Variants in GLRA3 observed in about 807,000 individuals in gnomAD.
GLRA3 encodes glycine receptor subunit alpha-3.
GLRA3 carries 44 observed loss-of-function variants against 60.4 expected under a neutral mutation model. The ratio of observed to expected loss-of-function variants is 0.73; its 90% CI spans 0.57 to 0.94. The LOEUF (loss-of-function observed/expected upper bound fraction) is 0.94. Ranked by LOEUF, GLRA3 falls within the 40% of genes least tolerant of loss-of-function variation. The probability of loss-of-function intolerance (pLI) is 0.00; values close to 1 mark genes in which losing one functional copy is unlikely to be tolerated. For missense variants in GLRA3, 508 were observed against 564.6 expected, an observed-to-expected ratio of 0.90 and a Z score of 1.02; for synonymous variants, 223 against 192.9, an observed-to-expected ratio of 1.16 and a Z score of -1.29.
At chr4:174,659,422 C>T (rs546706044) in intron 7 of GLRA3, among the ~76,000 whole-genome samples, 4 of 151,824 alleles carry the variant, frequency 2.6e-5, no homozygotes, top group Admixed American at 1.3e-4. Context: ...AGCCCAAACA[C>T]GATGAAAGAA....
At chr4:174,753,020 T>C (rs1180548460) in intron 3 of GLRA3, among the ~76,000 whole-genome samples, 3 of 152,206 alleles carry the variant, frequency 2.0e-5, no homozygotes, top group Non-Finnish European at 2.9e-5. Flanking sequence ...AGATTGAGAA[T>C]AACTTCCCTT....
chr4:174,781,953 C>T (rs532994175), intron 2 of GLRA3, among the ~76,000 whole-genome samples: 3 of 151,936 alleles, frequency 2.0e-5, no homozygotes, highest in Admixed American at 6.6e-5. Flanking sequence ...GGGAATCCTT[C>T]CTAACTCATT....
intron 2 of GLRA3, among the ~76,000 whole-genome samples, chr4:174,781,621 G>A (rs1738877746): frequency 6.6e-6 from 1 of 151,208 alleles, no homozygotes; most frequent in Non-Finnish European, 1.5e-5. Context: ...AATAAAAAAT[G>A]AGAAAGGGGA....
intron 2 of GLRA3, among the ~76,000 whole-genome samples, chr4:174,770,231 A>G (rs1042312066): frequency 6.6e-6 from 1 of 152,142 alleles, no homozygotes; most frequent in Non-Finnish European, 1.5e-5. Context: ...TATACTACAC[A>G]TTGAAATCAC....
chr4:174,662,665 A>G (rs1196599276), intron 7 of GLRA3, among the ~76,000 whole-genome samples: 2 of 152,146 alleles, frequency 1.3e-5, no homozygotes, highest in Non-Finnish European at 2.9e-5. Flanking sequence ...GGGTGGCAGG[A>G]GTGGTAAATA....
chr4:174,747,671 G>T (rs1737307129), intron 3 of GLRA3, among the ~76,000 whole-genome samples: 1 of 152,082 alleles, frequency 6.6e-6, no homozygotes, highest in Non-Finnish European at 1.5e-5. Flanking sequence ...TGATTCATTA[G>T]ATATTGAGCT....
intron 4 of GLRA3, among the ~76,000 whole-genome samples, chr4:174,722,297 A>G (rs1183320798): frequency 1.3e-5 from 2 of 152,122 alleles, no homozygotes; most frequent in African/African-American, 2.4e-5. Flanking sequence ...CAAAAGGTAA[A>G]AAGGGCAGTC....
At chr4:174,779,714 A>C (rs369162057) in intron 2 of GLRA3, among the ~76,000 whole-genome samples, 12 of 152,002 alleles carry the variant, frequency 7.9e-5, no homozygotes, top group Admixed American at 7.2e-4. Context: ...AGGGTATCAG[A>C]GATGGAAGAT....
rs1033692525 is a variant in GLRA3, at chr4:174,642,140, C to A, written c.*1646G>T. On this transcript the variant is annotated 3_prime_UTR_variant, in exon 10 of 10. Transcript: ENST00000274093. ...CTTGGTCTTTTACTAGCAAAAACTGCTTAACATTTACTATTTTTTAAAATG... is the reference window on the plus strand; with the variant it reads ...CTTGGTCTTTTACTAGCAAAAACTGATTAACATTTACTATTTTTTAAAATG... 6.8e-6 allele frequency: 6 copies of A among 876,920 alleles called. No homozygotes were observed. Among genetic ancestry groups the A allele is most frequent in the Admixed American group, 1.2e-4 (2 of 16,106 alleles). The allele number at this position is 876,920 out of a possible 1,614,324, so 54.3% of individuals were successfully genotyped here.
chr4:174,753,957 A>C (rs1579554751), intron 3 of GLRA3, among the ~76,000 whole-genome samples: 2 of 147,372 alleles, frequency 1.4e-5, no homozygotes, highest in Non-Finnish European at 3.1e-5. Flanking sequence ...CTCTCTCAGG[A>C]TACAGATTTT....
intron 2 of GLRA3, among the ~76,000 whole-genome samples, chr4:174,769,118 T>C (rs994622222): frequency 3.9e-5 from 6 of 152,216 alleles, no homozygotes; most frequent in African/African-American, 1.2e-4. Flanking sequence ...TCAATTCATT[T>C]AATCATCAAT....
At chr4:174,654,865 G>T (rs1426974928) in intron 9 of GLRA3, among the ~76,000 whole-genome samples, 1 of 152,066 alleles carries the variant, frequency 6.6e-6, no homozygotes, top group African/African-American at 2.4e-5. Context: ...CACACAGCAG[G>T]CTGGGACAGT....
chr4:174,753,199 T>C (rs1435241302), intron 3 of GLRA3, among the ~76,000 whole-genome samples: 1 of 152,178 alleles, frequency 6.6e-6, no homozygotes, highest in Non-Finnish European at 1.5e-5. Context: ...CCCCAGGTTC[T>C]TGTCAGTCTG....
intron 7 of GLRA3, among the ~76,000 whole-genome samples, chr4:174,662,182 G>A (rs1733473094): frequency 6.6e-6 from 1 of 152,104 alleles, no homozygotes; most frequent in South Asian, 2.1e-4. Flanking sequence ...TGTGGAGTGA[G>A]CATGAGATAA....
At chr4:174,824,265 TA>T (rs1740866649) in intron 1 of GLRA3, among the ~76,000 whole-genome samples, 1 of 152,198 alleles carries the variant, frequency 6.6e-6, no homozygotes, top group South Asian at 2.1e-4. Context: ...TTCCAACTTC[TA>T]AAACAATCAG....
rs1018759047 is a variant in GLRA3 at position 174,691,989 on chromosome 4, C to T, written c.575-9050G>A. Among the ~76,000 whole-genome samples the T allele has an allele frequency of 2.4e-4, 37 of 151,826 alleles. 1 individual carries two copies. Among genetic ancestry groups the T allele is most frequent in the South Asian group, 2.3e-3 (11 of 4,800 alleles). On this transcript the variant is annotated intron_variant, in intron 5 of 9. Transcript: ENST00000274093. Reference sequence around the variant, plus strand: ...CGCCCATCGTCTGAGATAAGGGGAGCGCCTCTGCCCCGCCGCCCCGTCTGG... The same window carrying T: ...CGCCCATCGTCTGAGATAAGGGGAGTGCCTCTGCCCCGCCGCCCCGTCTGG...
At chr4:174,657,945 G>C (rs1733276411) in intron 8 of GLRA3, among the ~76,000 whole-genome samples, 1 of 152,100 alleles carries the variant, frequency 6.6e-6, no homozygotes, top group Non-Finnish European at 1.5e-5. Context: ...CTTTTGGGAA[G>C]GCCAATTAGA....
intron 4 of GLRA3, among the ~76,000 whole-genome samples, chr4:174,717,327 CAAAG>C (rs1055927509): frequency 1.6e-5 from 2 of 124,902 alleles, no homozygotes; most frequent in African/African-American, 6.0e-5. Flanking sequence ...AAAGAAGAAA[CAAAG>C]AAACAAAGAA....
intron 4 of GLRA3, among the ~76,000 whole-genome samples, chr4:174,727,137 C>T (rs780705927): frequency 6.6e-6 from 1 of 152,176 alleles, no homozygotes; most frequent in Non-Finnish European, 1.5e-5. Flanking sequence ...AATCTGTTCT[C>T]ATGAACTAGG....
Sources: gnomAD v4.1 joint callset for allele counts (sites outside exome capture counted in the v4.1 genomes callset) on GRCh38, gnomAD v4.1.1 for gene constraint, MANE v1.5 for transcripts, NCBI Gene and HGNC (gene_info 2026-07-23, HGNC 2026-07-21) for gene names.